The following ATP8B1 variants were observed in gnomAD, a reference collection of about 807,000 sequenced individuals.
The protein encoded by ATP8B1 is phospholipid-transporting ATPase IC.
Under a neutral mutation model 149.9 loss-of-function variants are expected in ATP8B1, and 80 were observed. That is an observed-to-expected ratio of 0.53 (90% confidence interval 0.45 to 0.64). The LOEUF is 0.64. ATP8B1 is among the 30% of genes least tolerant of loss of function. ATP8B1 has a pLI of 0.00. For missense variants in ATP8B1, 1,247 were observed against 1,552.6 expected (o/e 0.80, Z 3.31); for synonymous variants, 536 against 562.8 (o/e 0.95, Z 0.67).
chr18:57,652,355 A>G lies in ATP8B1; in HGVS notation c.3261+129T>C, dbSNP rs996386509. On this transcript the variant is annotated intron_variant, in intron 25 of 27. Coordinates refer to ENST00000648908, the MANE Select transcript of ATP8B1 (RefSeq NM_001374385.1). ...GAAAATGTGCTTGGTATAAGAGATG[A>G]AAATAGCATTTATATTTTGTAAGTG... The G allele has an allele frequency of 5.9e-5, 87 of 1,486,992 alleles. No homozygotes were observed. In the African/African-American group the frequency reaches 1.1e-3, roughly 18 times the overall value. The allele number at this position is 1,486,992 out of a possible 1,614,324, so 92.1% of individuals were successfully genotyped here. A position where few individuals can be genotyped will look rare whatever the true frequency, so the allele number is the denominator to read the frequency against.
chr18:57,782,980 T>C (rs1008664257), intron 1 of ATP8B1, among the ~76,000 whole-genome samples: 1 of 151,940 alleles, frequency 6.6e-6, no homozygotes, highest in Non-Finnish European at 1.5e-5. Flanking sequence ...GCCCAGCTAA[T>C]TTTTTTATTT....
At chr18:57,717,717 TTTTTG>T (rs1265196310) in intron 2 of ATP8B1, among the ~76,000 whole-genome samples, 3 of 151,032 alleles carry the variant, frequency 2.0e-5, no homozygotes, top group Non-Finnish European at 3.0e-5. Flanking sequence ...CAAAAACGGT[TTTTTG>T]TTTTGGTTTG....
intron 8 of ATP8B1, among the ~76,000 whole-genome samples, chr18:57,695,785 C>T (rs1334559769): frequency 6.6e-6 from 1 of 152,154 alleles, no homozygotes; most frequent in Non-Finnish European, 1.5e-5. Flanking sequence ...ACAGAGGTAC[C>T]CACAAACATC....
At chr18:57,788,623 A>T (rs1255860884) in intron 1 of ATP8B1, among the ~76,000 whole-genome samples, 2 of 152,042 alleles carry the variant, frequency 1.3e-5, no homozygotes, top group Non-Finnish European at 2.9e-5. Flanking sequence ...GAAAGTTAGG[A>T]AAAGAGTACC....
At position 57,731,688 on chromosome 18, in the gene ATP8B1, A is replaced by G; in HGVS notation, c.120T>C (p.Val40=). 6.2e-7 allele frequency: 1 copy of G among 1,614,100 alleles called. No homozygotes were observed. The highest frequency in any genetic ancestry group is 8.5e-7 in the Non-Finnish European group (1 of 1,180,018). The change falls in exon 2 of 28, where the codon GTT becomes GTC. Residue 40 remains valine (V), a synonymous_variant. Transcript: ENST00000648908. ...TGTTGACTCGGTTTTGTTCTGGTTCAACAGCAGACCCCTGGTCATCAAGTT... is the reference window on the plus strand; with the variant it reads ...TGTTGACTCGGTTTTGTTCTGGTTCGACAGCAGACCCCTGGTCATCAAGTT... ...EDELDDQGSA[V]EPEQNRVNRE...
chr18:57,703,134 C>T (rs1431416130), intron 4 of ATP8B1, among the ~76,000 whole-genome samples: 2 of 152,142 alleles, frequency 1.3e-5, no homozygotes, highest in East Asian at 1.9e-4. Flanking sequence ...TCCATTTCTC[C>T]TTACCATCGT....
chr18:57,684,047 T>A lies in ATP8B1; in HGVS notation c.1619A>T (p.Asp540Val), dbSNP rs1381062005. ...LLAVCHTVMVDRTDGQLNYQA... is the reference protein window; with the variant it reads ...LLAVCHTVMVVRTDGQLNYQA... The stretch of plus-strand genomic sequence containing the variant: ...AGAGAAACACTCACCATCAGTCCTA[T>A]CCACCATGACTGTGTGGCAAACTGC... Residue 540 changes from aspartate to valine, a missense_variant, in exon 15 of 28, where the codon GAT becomes GTT. Physicochemically the swap from Asp to Val is radical, Grantham distance 152. Coordinates refer to ENST00000648908, the MANE Select transcript of ATP8B1 (RefSeq NM_001374385.1). The A allele has an allele frequency of 6.2e-7, 1 of 1,614,176 alleles. No individual in the cohort carries two copies. The highest frequency in any genetic ancestry group is 8.5e-7 in the Non-Finnish European group (1 of 1,180,034).
At chr18:57,652,398 G>A in intron 25 of ATP8B1, 86 bp downstream of exon 25, 1 of 1,562,836 alleles carries the variant, frequency 6.4e-7, no homozygotes, top group East Asian at 2.2e-5. Flanking sequence ...TGCAGTGGGA[G>A]TCAGGTGGAT....
At chr18:57,649,658 A>G (rs974461449) in intron 27 of ATP8B1, among the ~76,000 whole-genome samples, 2 of 152,086 alleles carry the variant, frequency 1.3e-5, no homozygotes, top group African/African-American at 4.8e-5. Context: ...TCCCTTGCTA[A>G]ACTAGTCCAG....
At chr18:57,690,323 A>G (rs1432877053) in intron 12 of ATP8B1, among the ~76,000 whole-genome samples, 1 of 152,168 alleles carries the variant, frequency 6.6e-6, no homozygotes, top group African/African-American at 2.4e-5. Context: ...GGCGGAGTGG[A>G]AGGCTGAGCA....
chr18:57,732,281 GTATATATGTATA>G (rs2079788890), intron 1 of ATP8B1, among the ~76,000 whole-genome samples: 6 of 24,270 alleles, frequency 2.5e-4, no homozygotes, highest in Non-Finnish European at 6.1e-4. Flanking sequence ...GTATATATGT[GTATATATGTATA>G]TATATGTGTA....
chr18:57,661,884 A>T (rs983582252), intron 21 of ATP8B1, among the ~76,000 whole-genome samples: 1 of 150,744 alleles, frequency 6.6e-6, no homozygotes, highest in Non-Finnish European at 1.5e-5. Flanking sequence ...CTGGCTAATT[A>T]TTTTTTTTGT....
chr18:57,707,009 A>G (rs1372327367), intron 2 of ATP8B1, among the ~76,000 whole-genome samples: 2 of 152,230 alleles, frequency 1.3e-5, no homozygotes, highest in African/African-American at 4.8e-5. Flanking sequence ...TAAATCAGGA[A>G]GAAAATGAGG....
At chr18:57,796,182 T>A (rs1028784455) in intron 1 of ATP8B1, among the ~76,000 whole-genome samples, 3 of 151,984 alleles carry the variant, frequency 2.0e-5, no homozygotes, top group African/African-American at 4.8e-5. Flanking sequence ...AATAAAAAAA[T>A]TTAAAAACTC....
chr18:57,716,432 C>T (rs1312045367), intron 2 of ATP8B1, among the ~76,000 whole-genome samples: 2 of 151,054 alleles, frequency 1.3e-5, no homozygotes, highest in Non-Finnish European at 3.0e-5. Context: ...AAAAAAAAGA[C>T]CCAGTGATCT....
intron 27 of ATP8B1, 83 bp downstream of exon 27, chr18:57,650,284 A>T (rs1311810065): frequency 6.5e-7 from 1 of 1,537,718 alleles, no homozygotes; most frequent in Non-Finnish European, 8.9e-7. Flanking sequence ...CCATGAGCTT[A>T]GAATTTTGCA....
At chr18:57,757,130 C>T (rs1272165453) in intron 1 of ATP8B1, among the ~76,000 whole-genome samples, 2 of 152,178 alleles carry the variant, frequency 1.3e-5, no homozygotes, top group Non-Finnish European at 2.9e-5. Flanking sequence ...AGTTAGTAAT[C>T]AATATGGATG....
At chr18:57,745,683 G>T (rs1378778999) in intron 1 of ATP8B1, among the ~76,000 whole-genome samples, 2 of 149,706 alleles carry the variant, frequency 1.3e-5, no homozygotes, top group Non-Finnish European at 1.5e-5. Flanking sequence ...CTGACGCAGG[G>T]CCTTGCACTG....
At chr18:57,683,116 C>G (rs1294559499) in intron 15 of ATP8B1, among the ~76,000 whole-genome samples, 1 of 152,182 alleles carries the variant, frequency 6.6e-6, no homozygotes, top group African/African-American at 2.4e-5. Flanking sequence ...GTGTGAGCCA[C>G]CAAGCGTTGG....
Sources: gnomAD v4.1 joint callset for allele counts (sites outside exome capture counted in the v4.1 genomes callset) on GRCh38, gnomAD v4.1.1 for gene constraint, MANE v1.5 for transcripts, NCBI Gene and HGNC (gene_info 2026-07-23, HGNC 2026-07-21) for gene names.